Variants in CCDC7 observed in about 807,000 individuals in gnomAD.
The protein encoded by CCDC7 is coiled-coil domain containing 7.
CCDC7 carries 183 observed loss-of-function variants against 196.9 expected under a neutral mutation model. That is an observed-to-expected ratio of 0.93 (90% CI 0.82 to 1.05). The LOEUF (loss-of-function observed/expected upper bound fraction) is 1.05, where lower values mean the gene tolerates loss of function less well. Ranked by LOEUF, CCDC7 falls within the 50% of genes least tolerant of loss-of-function variation. The pLI is 0.00. For synonymous variants in CCDC7, 525 were observed against 484.6 expected, an observed-to-expected ratio of 1.08 and a Z score of -1.10; for missense variants, 1,540 against 1,482.2, an observed-to-expected ratio of 1.04 and a Z score of -0.64.
intron 33 of CCDC7, among the ~76,000 whole-genome samples, chr10:32,836,869 A>G (rs577781172): frequency 9.8e-5 from 15 of 152,302 alleles, no homozygotes; most frequent in African/African-American, 3.4e-4. Context: ...CTGGCTAGCC[A>G]TATGTAGAAA....
intron 6 of CCDC7, among the ~76,000 whole-genome samples, chr10:32,471,902 C>G (rs1216943035): frequency 6.6e-6 from 1 of 151,996 alleles, no homozygotes; most frequent in African/African-American, 2.4e-5. Context: ...AGGTTTAGAC[C>G]ATATTCATAC....
intron 31 of CCDC7, among the ~76,000 whole-genome samples, chr10:32,815,207 A>G (rs1026281852): frequency 9.2e-5 from 14 of 152,130 alleles, no homozygotes; most frequent in African/African-American, 3.4e-4. Context: ...CAGAAACAGT[A>G]CTCTGTAACC....
In CCDC7 at chr10:32,517,982, A is replaced by G. The variant is rs1484109552; in HGVS notation, c.903+7A>G. ...TCAAGTTTTGTTAGATGCTGTAAGT[A>G]TAGTACTCTCAATTTGAAATTACAC... is the stretch of plus-strand genomic sequence containing the variant. On this transcript the variant is annotated splice_region_variant and intron_variant, in intron 10 of 41. Coordinates refer to ENST00000639629, the Ensembl canonical transcript of CCDC7. 2.6e-6 allele frequency: 4 copies of G among 1,566,966 alleles called. No individual in the cohort carries two copies. The highest frequency in any genetic ancestry group is 4.8e-5 in the East Asian group (2 of 41,880).
intron 11 of CCDC7, among the ~76,000 whole-genome samples, chr10:32,534,369 G>A (rs12221116): frequency 0.088 from 13,437 of 152,026 alleles, 865 homozygotes; most frequent in East Asian, 0.33. Flanking sequence ...TTCTTGTTCC[G>A]AGAACTCATG....
intron 28 of CCDC7, among the ~76,000 whole-genome samples, chr10:32,741,069 T>A (rs1565355088): frequency 6.6e-6 from 1 of 152,116 alleles, no homozygotes; most frequent in African/African-American, 2.4e-5. Context: ...TCATAGCACA[T>A]AAATGTGATT....
chr10:32,850,818 C>G (rs1483388242), intron 39 of CCDC7, among the ~76,000 whole-genome samples: 141 of 124,468 alleles, frequency 1.1e-3, no homozygotes, highest in African/African-American at 2.7e-3. Context: ...CACACACACA[C>G]AGAGACATGC....
intron 11 of CCDC7, among the ~76,000 whole-genome samples, chr10:32,537,511 G>A (rs2050718689): frequency 6.6e-6 from 1 of 152,032 alleles, no homozygotes; most frequent in Non-Finnish European, 1.5e-5. Context: ...GATCTCATTT[G>A]TTAATTTTTG....
At position 32,463,010 on chromosome 10, in the gene CCDC7, C is replaced by G; in HGVS notation, c.478-7C>G. On this transcript the variant is annotated splice_polypyrimidine_tract_variant and splice_region_variant and intron_variant, in intron 4 of 41. Transcript: ENST00000639629. ...TCTTTTTTTGTCCCTCTTTTGTTTT[C>G]TTAAAGTGGTTTCAGTGGCAGGTCA... 6.2e-7 allele frequency: 1 copy of G among 1,613,210 alleles called. No homozygotes were observed. Among genetic ancestry groups the G allele is most frequent in the Non-Finnish European group, 8.5e-7 (1 of 1,179,660 alleles).
intron 20 of CCDC7, among the ~76,000 whole-genome samples, chr10:32,662,875 T>C (rs1363899143): frequency 1.3e-5 from 2 of 152,292 alleles, no homozygotes; most frequent in South Asian, 2.1e-4. Context: ...CTGTTGTTCT[T>C]ACTCCTTATT....
At chr10:32,730,238 A>G (rs2083731219) in intron 28 of CCDC7, among the ~76,000 whole-genome samples, 1 of 152,128 alleles carries the variant, frequency 6.6e-6, no homozygotes, top group Non-Finnish European at 1.5e-5. Flanking sequence ...TATAAGAGAG[A>G]ACATGTGATG....
At chr10:32,818,503 A>G (rs896338941) in intron 31 of CCDC7, among the ~76,000 whole-genome samples, 2 of 152,310 alleles carry the variant, frequency 1.3e-5, no homozygotes, top group African/African-American at 4.8e-5. Flanking sequence ...AGACATCTAC[A>G]GAACTCTCCA....
intron 20 of CCDC7, among the ~76,000 whole-genome samples, chr10:32,663,318 G>A (rs1424627508): frequency 6.6e-6 from 1 of 152,096 alleles, no homozygotes; most frequent in African/African-American, 2.4e-5. Flanking sequence ...ATGCATTGTA[G>A]ACACTCAGTG....
intron 13 of CCDC7, among the ~76,000 whole-genome samples, chr10:32,560,860 A>G (rs1423215364): frequency 6.6e-6 from 1 of 152,262 alleles, no homozygotes; most frequent in Non-Finnish European, 1.5e-5. Context: ...TGCTCCAATT[A>G]AAAGACACAG....
intron 6 of CCDC7, 74 bp from the exon 8 acceptor site, chr10:32,472,407 T>C: frequency 1.5e-6 from 2 of 1,327,634 alleles, no homozygotes; most frequent in Non-Finnish European, 1.0e-6. Flanking sequence ...CTTCACATTT[T>C]AGTTATTTTA....
intron 20 of CCDC7, among the ~76,000 whole-genome samples, chr10:32,645,878 G>A (rs1407049998): frequency 6.6e-6 from 1 of 151,948 alleles, no homozygotes; most frequent in Non-Finnish European, 1.5e-5. Context: ...GGCATCAGCT[G>A]CAATGTTACC....
intron 29 of CCDC7, among the ~76,000 whole-genome samples, chr10:32,803,438 T>C (rs538973129): frequency 2.3e-4 from 35 of 152,300 alleles, no homozygotes; most frequent in Non-Finnish European, 4.0e-4. Context: ...TAGCTTTTTA[T>C]ATATTTATAA....
Position 32,554,123 on chromosome 10 carries a change from C to T in CCDC7, c.1134+9822C>T, listed in dbSNP as rs1228808963. On this transcript the variant is annotated intron_variant, in intron 13 of 41. Coordinates refer to ENST00000639629, the Ensembl canonical transcript of CCDC7. ...CGGCCAAGTGGGCAGTCACAGGGCTCACCCAGCTCCCACCCAAAATGAAGG... is the reference window on the plus strand; with the variant it reads ...CGGCCAAGTGGGCAGTCACAGGGCTTACCCAGCTCCCACCCAAAATGAAGG... Among the ~76,000 whole-genome samples, 6 of 152,226 alleles carry T rather than the reference C, an allele frequency of 3.9e-5. No individual in the cohort carries two copies. The East Asian group carries it at 1.2e-3, about 29-fold the overall frequency.
intron 11 of CCDC7, among the ~76,000 whole-genome samples, chr10:32,519,168 G>C (rs2047501233): frequency 6.6e-6 from 1 of 152,116 alleles, no homozygotes; most frequent in Non-Finnish European, 1.5e-5. Context: ...TCAAATATAA[G>C]ATCAGGGCTG....
chr10:32,664,169 T>C lies in CCDC7; in HGVS notation c.2122+8T>C. The C allele has an allele frequency of 5.1e-6, 2 of 395,382 alleles. No individual in the cohort carries two copies. The highest frequency in any genetic ancestry group is 8.9e-6 in the Non-Finnish European group (2 of 223,532). The allele number at this position is 395,382 out of a possible 1,614,324, so 24.5% of individuals were successfully genotyped here. A position where few individuals can be genotyped will look rare whatever the true frequency, so the allele number is the denominator to read the frequency against. ...AAGATAATCAACTCAGTAGTAAGTGTAATAATTGTAGATAACCTTAAAATA... is the reference window on the plus strand; with the variant it reads ...AAGATAATCAACTCAGTAGTAAGTGCAATAATTGTAGATAACCTTAAAATA... On this transcript the variant is annotated splice_region_variant and intron_variant, in intron 21 of 41. Transcript: ENST00000639629.
Sources: allele counts gnomAD v4.1 joint callset (sites outside exome capture counted in the v4.1 genomes callset), GRCh38; gene constraint gnomAD v4.1.1; transcripts MANE v1.5; gene names NCBI Gene and HGNC (gene_info 2026-07-23, HGNC 2026-07-21).